TMEM108: variants seen among roughly 807,000 people sequenced by gnomAD.
TMEM108 encodes the protein cancer/testis antigen 124.
TMEM108 carries 12 observed loss-of-function variants against 35.1 expected under a neutral mutation model. The ratio of observed to expected loss-of-function variants is 0.34; its 90% CI spans 0.22 to 0.55. The LOEUF (loss-of-function observed/expected upper bound fraction) is 0.55. Ranked by LOEUF, TMEM108 falls within the 20% of genes least tolerant of loss-of-function variation. TMEM108 has a pLI of 0.89. For synonymous variants in TMEM108, 287 were observed against 308.6 expected, an observed-to-expected ratio of 0.93 and a Z score of 0.73; for missense variants, 680 against 753.3, an observed-to-expected ratio of 0.90 and a Z score of 1.14.
chr3:133,237,593 AG>A (rs1946257104), intron 3 of TMEM108, among the ~76,000 whole-genome samples: 1 of 152,192 alleles, frequency 6.6e-6, no homozygotes, highest in Admixed American at 6.5e-5. Flanking sequence ...GGCTTTTACA[AG>A]AAGTCTGTGA....
chr3:133,048,294 C>T (rs1020964635), intron 2 of TMEM108, among the ~76,000 whole-genome samples: 4 of 152,206 alleles, frequency 2.6e-5, no homozygotes, highest in Non-Finnish European at 5.9e-5. Flanking sequence ...GCAGACAATA[C>T]AGTAAAGACC....
At chr3:133,139,759 A>T (rs1217586358) in intron 2 of TMEM108, among the ~76,000 whole-genome samples, 1 of 152,196 alleles carries the variant, frequency 6.6e-6, no homozygotes, top group African/African-American at 2.4e-5. Flanking sequence ...CGTTCCAACC[A>T]GTATCAAAAC....
At chr3:133,314,747 A>C (rs2071175599) in intron 3 of TMEM108, among the ~76,000 whole-genome samples, 1 of 152,212 alleles carries the variant, frequency 6.6e-6, no homozygotes, top group Admixed American at 6.5e-5. Context: ...CCAAAAGTCT[A>C]TGGGACAAGA....
chr3:133,176,415 G>C (rs944784477), intron 2 of TMEM108, among the ~76,000 whole-genome samples: 1 of 152,096 alleles, frequency 6.6e-6, no homozygotes, highest in Non-Finnish European at 1.5e-5. Context: ...TGACCACATA[G>C]TTGGAAGTAA....
chr3:133,370,231 C>A (rs1109858), intron 3 of TMEM108, among the ~76,000 whole-genome samples: 13,860 of 150,964 alleles, frequency 0.092, 1,048 homozygotes, highest in East Asian at 0.35. Context: ...TTCATGTCCC[C>A]TTACACTCCC....
intron 3 of TMEM108, among the ~76,000 whole-genome samples, chr3:133,368,550 T>C (rs577353675): frequency 1.3e-5 from 2 of 152,212 alleles, no homozygotes; most frequent in Non-Finnish European, 2.9e-5. Flanking sequence ...TGCCTCACTC[T>C]GGCCTGTGGG....
At chr3:133,101,386 C>G (rs1268342685) in intron 2 of TMEM108, among the ~76,000 whole-genome samples, 1 of 152,208 alleles carries the variant, frequency 6.6e-6, no homozygotes, top group Non-Finnish European at 1.5e-5. Context: ...TTGACTCTCT[C>G]CAAGCACTTT....
chr3:133,297,304 T>G (rs1947159722), intron 3 of TMEM108, among the ~76,000 whole-genome samples: 1 of 151,750 alleles, frequency 6.6e-6, no homozygotes, highest in Admixed American at 6.6e-5. Flanking sequence ...TTGTCAGCCT[T>G]CTTTCCCCCA....
At chr3:133,232,767 G>T (rs62280358) in intron 3 of TMEM108, among the ~76,000 whole-genome samples, 1 of 151,318 alleles carries the variant, frequency 6.6e-6, no homozygotes, top group Admixed American at 6.6e-5. Context: ...CTCTACTCAG[G>T]AATGTGGTAC....
At chr3:133,146,538 G>A (rs1297956134) in intron 2 of TMEM108, among the ~76,000 whole-genome samples, 1 of 152,142 alleles carries the variant, frequency 6.6e-6, no homozygotes, top group Non-Finnish European at 1.5e-5. Flanking sequence ...CAGAAGGAAC[G>A]GAAGCAGCTC....
chr3:133,242,279 G>A (rs1946324717), intron 3 of TMEM108, among the ~76,000 whole-genome samples: 2 of 152,302 alleles, frequency 1.3e-5, no homozygotes, highest in Admixed American at 1.3e-4. Context: ...CTGTGATACT[G>A]CTATTCTGCA....
At chr3:133,173,750 C>T (rs1945165522) in intron 2 of TMEM108, among the ~76,000 whole-genome samples, 1 of 152,184 alleles carries the variant, frequency 6.6e-6, no homozygotes, top group Non-Finnish European at 1.5e-5. Context: ...CTCTAGTCTA[C>T]AGCTCCCAGC....
intron 2 of TMEM108, among the ~76,000 whole-genome samples, chr3:133,142,787 C>T (rs76920015): frequency 0.023 from 3,541 of 152,268 alleles, 59 homozygotes; most frequent in South Asian, 0.085. Flanking sequence ...ATAACTAACA[C>T]TTATTAAGTT....
chr3:133,332,237 G>A (rs150887784), intron 3 of TMEM108, among the ~76,000 whole-genome samples: 105 of 152,262 alleles, frequency 6.9e-4, no homozygotes, highest in African/African-American at 2.5e-3. Flanking sequence ...GATGATAAAT[G>A]GTACAGTGAA....
chr3:133,122,888 A>G (rs1489770834), intron 2 of TMEM108, among the ~76,000 whole-genome samples: 1 of 151,034 alleles, frequency 6.6e-6, no homozygotes, highest in Non-Finnish European at 1.5e-5. Context: ...AAAATTGGTC[A>G]ACATTTTAAG....
chr3:133,318,657 CCTGT>C (rs2071227112), intron 3 of TMEM108, among the ~76,000 whole-genome samples: 2 of 151,996 alleles, frequency 1.3e-5, no homozygotes, highest in Admixed American at 6.6e-5. Flanking sequence ...GGACAAATGA[CCTGT>C]CTTTCTCAGC....
intron 2 of TMEM108, among the ~76,000 whole-genome samples, chr3:133,058,208 T>C (rs1287635063): frequency 1.3e-5 from 2 of 152,228 alleles, no homozygotes; most frequent in Non-Finnish European, 2.9e-5. Flanking sequence ...ACATCAGATA[T>C]CCCACTCCAC....
intron 3 of TMEM108, among the ~76,000 whole-genome samples, chr3:133,267,446 G>T (rs1306840856): frequency 1.3e-5 from 2 of 152,118 alleles, no homozygotes; most frequent in African/African-American, 4.8e-5. Context: ...GGATGAACAG[G>T]AGTTATCCTA....
intron 2 of TMEM108, among the ~76,000 whole-genome samples, chr3:133,105,159 T>C (rs1944134513): frequency 1.3e-5 from 2 of 152,224 alleles, no homozygotes. Flanking sequence ...CTGACATCTC[T>C]GTGTCAGGTG....
Sources: allele counts gnomAD v4.1 joint callset (sites outside exome capture counted in the v4.1 genomes callset), GRCh38; gene constraint gnomAD v4.1.1; transcripts MANE v1.5; gene names NCBI Gene and HGNC (gene_info 2026-07-23, HGNC 2026-07-21).